ZNF221: variants seen among roughly 807,000 people sequenced by gnomAD.
ZNF221 encodes zinc finger protein 221.
ZNF221 carries 10 observed loss-of-function variants against 12.6 expected under a neutral mutation model. That is an observed-to-expected ratio of 0.79 (90% CI 0.49 to 1.34). The LOEUF (loss-of-function observed/expected upper bound fraction) is 1.34, where lower values mean the gene tolerates loss of function less well. Among genes scored for constraint, ZNF221 ranks in the 40% most tolerant of loss-of-function variants. The pLI is 0.00. For synonymous variants in ZNF221, 232 were observed against 244.0 expected (o/e 0.95, Z 0.46); for missense variants, 661 against 721.4 (o/e 0.92, Z 0.96).
chr19:43,970,956 C>T (rs1288612901), downstream of ZNF221, among the ~76,000 whole-genome samples: 1 of 152,118 alleles, frequency 6.6e-6, no homozygotes, highest in Non-Finnish European at 1.5e-5. Context: ...CCCCAAGACA[C>T]ATAATCATCA....
At chr19:43,959,314 C>A (rs1974806838) in intron 1 of ZNF221, among the ~76,000 whole-genome samples, 1 of 152,156 alleles carries the variant, frequency 6.6e-6, no homozygotes, top group Admixed American at 6.5e-5. Context: ...TTACTGTTGT[C>A]CTGGTATATT....
At chr19:43,957,560 C>T (rs1003598675) in intron 1 of ZNF221, among the ~76,000 whole-genome samples, 1 of 152,152 alleles carries the variant, frequency 6.6e-6, no homozygotes, top group African/African-American at 2.4e-5. Flanking sequence ...AAGATTTTCA[C>T]CCTGTTGGAA....
intron 1 of ZNF221, among the ~76,000 whole-genome samples, chr19:43,956,966 A>G (rs1974766472): frequency 6.6e-6 from 1 of 152,210 alleles, no homozygotes; most frequent in Non-Finnish European, 1.5e-5. Context: ...TAAACAGAAA[A>G]AGGAACGTGA....
At chr19:43,974,725 G>C in the ZNF221 span, among the ~76,000 whole-genome samples, 1 of 57,568 alleles carries the variant, frequency 1.7e-5, no homozygotes, top group African/African-American at 3.7e-5. Flanking sequence ...TTATAAAAAA[G>C]TAAAAAAGAA....
In ZNF221 at chr19:43,965,267, CTTAGGGAAGGA is replaced by C; in HGVS notation, c.244_254del (p.Leu82LysfsTer22). On this transcript the variant is annotated frameshift_variant, in exon 4 of 5. Transcript: ENST00000587682. LOFTEE classifies it high-confidence loss of function. ...CATTCCACCAAGATACTTTCCACTTCTTAGGGAAGGAAAAGTTTTGGAAGATGAAGACAACA... is the reference window on the plus strand; with the variant it reads ...CATTCCACCAAGATACTTTCCACTTCAAAGTTTTGGAAGATGAAGACAACA... 4 of 1,613,610 alleles carry C rather than the reference CTTAGGGAAGGA, an allele frequency of 2.5e-6. No homozygotes were observed. Among genetic ancestry groups the C allele is most frequent in the Non-Finnish European group, 3.4e-6 (4 of 1,179,752 alleles).
Position 43,967,467 on chromosome 19 carries a change from A to G in ZNF221, c.*111A>G. ...ATGAGAACTGTGGGAAGAGCTTTGT[A>G]CATAGATCATATCTTTTTTTTTTTT... is the stretch of plus-strand genomic sequence containing the variant. On this transcript the variant is annotated 3_prime_UTR_variant, in exon 5 of 5. Transcript: ENST00000587682. The G allele has an allele frequency of 2.4e-6, 2 of 829,478 alleles. No individual in the cohort carries two copies. The allele number at this position is 829,478 out of a possible 1,614,324, so 51.4% of individuals were successfully genotyped here.
At chr19:43,957,332 C>A (rs1599813765) in intron 1 of ZNF221, among the ~76,000 whole-genome samples, 1 of 152,066 alleles carries the variant, frequency 6.6e-6, no homozygotes, top group Non-Finnish European at 1.5e-5. Flanking sequence ...AGGCACACAC[C>A]ACCACACCTG....
At chr19:43,971,685 G>A (rs1378167462), downstream of ZNF221, among the ~76,000 whole-genome samples, 1 of 150,910 alleles carries the variant, frequency 6.6e-6, no homozygotes, top group Non-Finnish European at 1.5e-5. Flanking sequence ...TTACATAACA[G>A]CAAAGGGTTC....
the ZNF221 span, among the ~76,000 whole-genome samples, chr19:43,972,925 C>G: frequency 6.6e-6 from 1 of 152,082 alleles, no homozygotes; most frequent in African/African-American, 2.4e-5. Context: ...ATCCTGATAC[C>G]AAAATCTGGC....
chr19:43,959,390 T>G (rs908395898), intron 1 of ZNF221, among the ~76,000 whole-genome samples: 3 of 152,182 alleles, frequency 2.0e-5, no homozygotes, highest in African/African-American at 7.2e-5. Context: ...TCGAACTTGG[T>G]CAAGCATCAG....
At chr19:43,965,360 A>G (rs1405669990) in intron 4 of ZNF221, 35 bp downstream of exon 4, 2 of 1,550,512 alleles carry the variant, frequency 1.3e-6, no homozygotes, top group Non-Finnish European at 1.8e-6. Context: ...CTTGTACATG[A>G]CTCTTCCATC....
chr19:43,977,586 G>A, the ZNF221 span: 1 of 152,162 alleles, frequency 6.6e-6, no homozygotes, highest in African/African-American at 2.4e-5. Context: ...TAAAAAAACA[G>A]ATTCTTTGAA....
the ZNF221 span, among the ~76,000 whole-genome samples, chr19:43,981,152 G>T: frequency 3.3e-5 from 5 of 151,830 alleles, no homozygotes; most frequent in South Asian, 2.1e-4. Context: ...TTTACAAAAA[G>T]AAAAATAATA....
At chr19:43,951,742 TA>T (rs1314318305) in intron 1 of ZNF221, among the ~76,000 whole-genome samples, 2 of 152,184 alleles carry the variant, frequency 1.3e-5, no homozygotes, top group African/African-American at 4.8e-5. Flanking sequence ...GATCTCTTGT[TA>T]ATTTCCTGAG....
Position 43,965,815 on chromosome 19 carries a change from C to A in ZNF221, c.313C>A (p.Gln105Lys), listed in dbSNP as rs771167818. 2 of 1,587,944 alleles carry A rather than the reference C, an allele frequency of 1.3e-6. No homozygotes were observed. Among genetic ancestry groups the A allele is most frequent in the Non-Finnish European group, 1.7e-6 (2 of 1,166,450 alleles). ...QREGNSGGKI[Q>K]IEMETVPEAG... The stretch of plus-strand genomic sequence containing the variant: ...CTGTGTCTTTTTAGGAGGCAAGATC[C>A]AAATTGAGATGGAGACTGTTCCAGA... Residue 105 changes from glutamine to lysine, a missense_variant, in exon 5 of 5, where the codon CAA (glutamine) becomes AAA (lysine). Transcript: ENST00000587682.
Position 43,966,637 on chromosome 19 carries a change from C to A in ZNF221, c.1135C>A (p.Arg379=), listed in dbSNP as rs144954458. ...ATGTGGAAAAGGCTTCATTTGTAGG[C>A]GAGATTTTTGTAAGCATCAGATGGT... is the stretch of plus-strand genomic sequence containing the variant. The part of the protein sequence containing the change: ...EQCGKGFICR[R]DFCKHQMVHT... The change falls in exon 5 of 5, where the codon CGA becomes AGA. Residue 379 remains arginine, a synonymous_variant. Transcript: ENST00000587682. 1 of 1,613,386 alleles carries A rather than the reference C, an allele frequency of 6.2e-7. No homozygotes were observed. The highest frequency in any genetic ancestry group is 1.1e-5 in the South Asian group (1 of 91,034).
chr19:43,970,430 A>G (rs1297401310), downstream of ZNF221, among the ~76,000 whole-genome samples: 1 of 152,182 alleles, frequency 6.6e-6, no homozygotes, highest in African/African-American at 2.4e-5. Context: ...GGCTGAACTG[A>G]CAGAAGTAGG....
chr19:43,953,590 G>A (rs998456468), intron 1 of ZNF221, among the ~76,000 whole-genome samples: 4 of 152,106 alleles, frequency 2.6e-5, no homozygotes, highest in Admixed American at 6.5e-5. Context: ...CCATGCATTG[G>A]TCTTTCAGGT....
chr19:43,952,481 G>C (rs766681204), intron 1 of ZNF221, among the ~76,000 whole-genome samples: 6 of 152,194 alleles, frequency 3.9e-5, no homozygotes, highest in African/African-American at 7.2e-5. Flanking sequence ...TCAATTCTAA[G>C]GGCTTTATAC....
Sources: gnomAD v4.1 joint callset for allele counts (sites outside exome capture counted in the v4.1 genomes callset) on GRCh38, gnomAD v4.1.1 for gene constraint, MANE v1.5 for transcripts, NCBI Gene and HGNC (gene_info 2026-07-23, HGNC 2026-07-21) for gene names.